HSD11B1: variants seen among roughly 807,000 people sequenced by gnomAD.
The protein encoded by HSD11B1 is hydroxysteroid 11-beta dehydrogenase 1.
A neutral mutation model predicts 22.1 loss-of-function variants in HSD11B1; 15 were observed. The observed-to-expected ratio is 0.68, with a 90% CI of 0.45 to 1.04. The LOEUF is 1.04. Ranked by LOEUF, HSD11B1 falls within the 50% of genes least tolerant of loss-of-function variation. The pLI is 0.00. For missense variants in HSD11B1, 281 were observed against 357.6 expected (o/e 0.79, Z 1.73); for synonymous variants, 122 against 125.2 (o/e 0.97, Z 0.17).
chr1:209,725,166 AAT>A (rs2076993419), intron 4 of HSD11B1, among the ~76,000 whole-genome samples: 1 of 152,214 alleles, frequency 6.6e-6, no homozygotes, highest in Non-Finnish European at 1.5e-5. Context: ...GATGCGATGT[AAT>A]ACCTATTAAT....
intron 1 of HSD11B1, among the ~76,000 whole-genome samples, chr1:209,695,681 C>T (rs1571865577): frequency 3.3e-5 from 5 of 152,090 alleles, no homozygotes; most frequent in South Asian, 4.2e-4. Context: ...GGTGGTGCAC[C>T]CTGTAGTCCC....
chr1:209,706,648 A>C lies in HSD11B1; in HGVS notation c.220-61A>C. 2 of 1,114,552 alleles carry C rather than the reference A, an allele frequency of 1.8e-6. No individual in the cohort carries two copies. Among genetic ancestry groups the C allele is most frequent in the Non-Finnish European group, 2.8e-6 (2 of 727,254 alleles). The allele number at this position is 1,114,552 out of a possible 1,614,324, so 69.0% of individuals were successfully genotyped here. A position where few individuals can be genotyped will look rare whatever the true frequency, so the allele number is the denominator to read the frequency against. ...TCTCATTTAAGCCCCCCGTTACTTC[A>C]GAGACTACCCCCCAAAAATCTGCAG... On this transcript the variant is annotated intron_variant, in intron 2 of 5. Transcript: ENST00000367027. This position sits in a 1 kb window ranked among gnomAD's most constrained non-coding sequence, Gnocchi z 4.0.
At chr1:209,687,477 AT>A (rs372941420) in intron 1 of HSD11B1, among the ~76,000 whole-genome samples, 39 of 152,254 alleles carry the variant, frequency 2.6e-4, no homozygotes, top group African/African-American at 9.2e-4. Flanking sequence ...CTTTATACTA[AT>A]TTGAGTACAG....
At chr1:209,722,285 T>C (rs1375684885) in intron 4 of HSD11B1, among the ~76,000 whole-genome samples, 1 of 152,234 alleles carries the variant, frequency 6.6e-6, no homozygotes, top group East Asian at 1.9e-4. Flanking sequence ...TTTATCTCTG[T>C]TACATTTTTG....
intron 4 of HSD11B1, among the ~76,000 whole-genome samples, chr1:209,720,721 T>C (rs932999409): frequency 6.6e-5 from 10 of 152,038 alleles, no homozygotes; most frequent in Non-Finnish European, 5.9e-5. Flanking sequence ...TTGGATCCTT[T>C]TGCTATAAAG....
At chr1:209,728,235 C>T (rs758388797) in intron 4 of HSD11B1, among the ~76,000 whole-genome samples, 2 of 152,174 alleles carry the variant, frequency 1.3e-5, no homozygotes, top group African/African-American at 2.4e-5. Flanking sequence ...TCCACATATA[C>T]TCTGTGATCT....
intron 4 of HSD11B1, among the ~76,000 whole-genome samples, chr1:209,720,519 T>G (rs2076958656): frequency 6.6e-6 from 1 of 151,110 alleles, no homozygotes; most frequent in Non-Finnish European, 1.5e-5. Context: ...GCTTGCAAAA[T>G]TTATAAACAT....
chr1:209,690,232 G>A (rs1243447810), intron 1 of HSD11B1, among the ~76,000 whole-genome samples: 1 of 152,186 alleles, frequency 6.6e-6, no homozygotes, highest in Non-Finnish European at 1.5e-5. Context: ...CTTGCACATA[G>A]GAGGTTGAGG....
At chr1:209,716,660 A>C (rs2076932250) in intron 4 of HSD11B1, among the ~76,000 whole-genome samples, 1 of 152,150 alleles carries the variant, frequency 6.6e-6, no homozygotes, top group African/African-American at 2.4e-5. Context: ...TGACTTGAAA[A>C]TATATTAAAG....
chr1:209,727,782 G>T (rs964252308), intron 4 of HSD11B1, among the ~76,000 whole-genome samples: 3 of 152,196 alleles, frequency 2.0e-5, no homozygotes, highest in African/African-American at 7.2e-5. Context: ...AATTTCAGAG[G>T]TTATTGTGTT....
intron 1 of HSD11B1, among the ~76,000 whole-genome samples, chr1:209,698,759 T>C (rs1019264905): frequency 6.6e-6 from 1 of 152,186 alleles, no homozygotes; most frequent in Non-Finnish European, 1.5e-5. Flanking sequence ...ACAACAGAAT[T>C]TTTTTGATTA....
At chr1:209,701,278 A>G (rs2076825230), upstream of HSD11B1, among the ~76,000 whole-genome samples, 1 of 152,220 alleles carries the variant, frequency 6.6e-6, no homozygotes, top group African/African-American at 2.4e-5. Context: ...CGGGAGGTGA[A>G]AGGCACTTCT....
upstream of HSD11B1, among the ~76,000 whole-genome samples, chr1:209,701,217 G>T (rs890854027): frequency 2.0e-5 from 3 of 152,188 alleles, no homozygotes; most frequent in African/African-American, 7.2e-5. Context: ...TCAAAGAGAG[G>T]TTTAATTGGA....
intron 4 of HSD11B1, among the ~76,000 whole-genome samples, chr1:209,721,469 C>CAAAAAAAAA (rs3059693): frequency 9.8e-6 from 1 of 101,820 alleles, no homozygotes; most frequent in Non-Finnish European, 2.2e-5. Context: ...ATTTCAAAAG[C>CAAAAAAAAA]AAAAAAAAAA....
At chr1:209,726,521 A>G (rs2077003671) in intron 4 of HSD11B1, among the ~76,000 whole-genome samples, 1 of 152,108 alleles carries the variant, frequency 6.6e-6, no homozygotes, top group Admixed American at 6.6e-5. Context: ...TGGGAGGATG[A>G]GCTATGATCT....
intron 4 of HSD11B1, among the ~76,000 whole-genome samples, chr1:209,724,459 A>C (rs1364870062): frequency 6.6e-6 from 1 of 152,116 alleles, no homozygotes; most frequent in Non-Finnish European, 1.5e-5. Context: ...GTTCCCTGTA[A>C]GTGCACAGGT....
At chr1:209,726,276 T>TA (rs60207937) in intron 4 of HSD11B1, among the ~76,000 whole-genome samples, 14 of 81,948 alleles carry the variant, frequency 1.7e-4, no homozygotes, top group Non-Finnish European at 2.9e-4. Flanking sequence ...TGAGACTCCG[T>TA]AAAAAAAAAA....
At chr1:209,711,386 G>A (rs2076893938) in intron 4 of HSD11B1, among the ~76,000 whole-genome samples, 1 of 152,164 alleles carries the variant, frequency 6.6e-6, no homozygotes, top group South Asian at 2.1e-4. Flanking sequence ...AACCAGAGTG[G>A]AAAGGGGCAA....
intron 4 of HSD11B1, among the ~76,000 whole-genome samples, chr1:209,722,054 A>G (rs971520288): frequency 1.3e-5 from 2 of 152,218 alleles, no homozygotes; most frequent in Non-Finnish European, 2.9e-5. Context: ...GATTTAGGCT[A>G]GGCACGGGTG....
Sources: allele counts gnomAD v4.1 joint callset (sites outside exome capture counted in the v4.1 genomes callset), GRCh38; gene constraint gnomAD v4.1.1; non-coding constraint Gnocchi (gnomAD v3.1); transcripts MANE v1.5; gene names NCBI Gene and HGNC (gene_info 2026-07-23, HGNC 2026-07-21).